Variants in LINGO2 observed in about 807,000 individuals in gnomAD.
LINGO2 encodes leucine rich repeat and Ig domain containing 2.
A neutral mutation model predicts 30.6 loss-of-function variants in LINGO2; 14 were observed. That is an observed-to-expected ratio of 0.46 (90% CI 0.30 to 0.72). The LOEUF (loss-of-function observed/expected upper bound fraction) is 0.72, where lower values mean the gene tolerates loss of function less well. LINGO2 is among the 30% of genes least tolerant of loss of function. The pLI is 0.07. For synonymous variants in LINGO2, 317 were observed against 288.5 expected (o/e 1.10, Z -1.00); for missense variants, 729 against 751.7 (o/e 0.97, Z 0.35).
chr9:28,511,937 A>G (rs1187178219), intron 1 of LINGO2, among the ~76,000 whole-genome samples: 1 of 152,020 alleles, frequency 6.6e-6, no homozygotes, highest in East Asian at 1.9e-4. Flanking sequence ...TATCATGAAA[A>G]ACCGTCTGTG....
At chr9:29,147,756 G>A in the LINGO2 span, among the ~76,000 whole-genome samples, 1 of 152,098 alleles carries the variant, frequency 6.6e-6, no homozygotes, top group East Asian at 1.9e-4. Flanking sequence ...ATTTCCTATA[G>A]CTATATTGTT....
the LINGO2 span, among the ~76,000 whole-genome samples, chr9:28,886,090 C>T: frequency 6.6e-6 from 1 of 151,922 alleles, no homozygotes; most frequent in East Asian, 1.9e-4. Context: ...ATAGAATAAC[C>T]TAGAATTGCT....
the LINGO2 span, among the ~76,000 whole-genome samples, chr9:29,095,181 A>G: frequency 3.6e-5 from 5 of 138,494 alleles, 2 homozygotes; most frequent in Non-Finnish European, 7.8e-5. Context: ...TCCAAAACCT[A>G]TTCTATACTT....
intron 2 of LINGO2, among the ~76,000 whole-genome samples, chr9:28,424,325 G>C (rs889627030): frequency 1.3e-5 from 2 of 152,058 alleles, no homozygotes; most frequent in South Asian, 4.1e-4. Flanking sequence ...TCTACTCTTG[G>C]TTTGCTGCCA....
At chr9:28,142,924 C>T (rs1272060327) in intron 4 of LINGO2, among the ~76,000 whole-genome samples, 1 of 152,132 alleles carries the variant, frequency 6.6e-6, no homozygotes, top group Non-Finnish European at 1.5e-5. Flanking sequence ...GCAGTCAATT[C>T]TCATTATAAA....
At chr9:29,033,587 T>C in the LINGO2 span, among the ~76,000 whole-genome samples, 1 of 151,856 alleles carries the variant, frequency 6.6e-6, no homozygotes, top group Non-Finnish European at 1.5e-5. Context: ...GTTATCTTGC[T>C]CTGTAATTTG....
At chr9:28,718,909 G>C in the LINGO2 span, among the ~76,000 whole-genome samples, 2 of 151,858 alleles carry the variant, frequency 1.3e-5, no homozygotes, top group Admixed American at 6.6e-5. Context: ...CCTTCTTCTA[G>C]GTCTGTAACA....
chr9:28,081,905 T>C (rs536005186), intron 4 of LINGO2, among the ~76,000 whole-genome samples: 1 of 152,296 alleles, frequency 6.6e-6, no homozygotes, highest in South Asian at 2.1e-4. Flanking sequence ...TATACCATGA[T>C]ACAGAATTAA....
At chr9:27,968,754 CAATT>C (rs923489505) in intron 5 of LINGO2, among the ~76,000 whole-genome samples, 1 of 151,780 alleles carries the variant, frequency 6.6e-6, no homozygotes, top group African/African-American at 2.4e-5. Context: ...TATCTTTAGT[CAATT>C]AATTAGCCAC....
At chr9:28,306,459 GC>G (rs1454151668) in intron 3 of LINGO2, among the ~76,000 whole-genome samples, 2 of 152,002 alleles carry the variant, frequency 1.3e-5, no homozygotes, top group African/African-American at 4.8e-5. Flanking sequence ...AGCACTAAAT[GC>G]CCACAAGAGA....
chr9:27,973,761 G>GA (rs1409412427), intron 5 of LINGO2, among the ~76,000 whole-genome samples: 2 of 152,122 alleles, frequency 1.3e-5, no homozygotes, highest in Non-Finnish European at 1.5e-5. Context: ...GCCATTGCGA[G>GA]AAAAAAATGT....
At chr9:28,729,421 G>A in the LINGO2 span, among the ~76,000 whole-genome samples, 7 of 151,560 alleles carry the variant, frequency 4.6e-5, no homozygotes, top group Non-Finnish European at 8.8e-5. Context: ...AGAAACAGAG[G>A]AAAAAAATCT....
chr9:28,308,214 T>G (rs1203998604), intron 3 of LINGO2, among the ~76,000 whole-genome samples: 1 of 128,714 alleles, frequency 7.8e-6, no homozygotes, highest in Non-Finnish European at 1.8e-5. Flanking sequence ...AACAGCATGG[T>G]ACTGGTACCA....
At chr9:28,787,243 A>G in the LINGO2 span, among the ~76,000 whole-genome samples, 1 of 152,170 alleles carries the variant, frequency 6.6e-6, no homozygotes, top group Non-Finnish European at 1.5e-5. Context: ...CTTAACAATA[A>G]TACAGTATAT....
the LINGO2 span, among the ~76,000 whole-genome samples, chr9:28,940,692 G>A: frequency 1.3e-5 from 2 of 152,054 alleles, no homozygotes; most frequent in Non-Finnish European, 2.9e-5. Flanking sequence ...AATGGAGAAG[G>A]TAGCTTTGTG....
At chr9:28,550,756 G>A in intron 1 of LINGO2, among the ~76,000 whole-genome samples, 1 of 151,704 alleles carries the variant, frequency 6.6e-6, no homozygotes, top group East Asian at 1.9e-4. Flanking sequence ...ATGAACTAAA[G>A]CTACATGCAT....
At chr9:28,022,028 A>T (rs1399166217) in intron 4 of LINGO2, among the ~76,000 whole-genome samples, 1 of 152,060 alleles carries the variant, frequency 6.6e-6, no homozygotes, top group Non-Finnish European at 1.5e-5. Flanking sequence ...TATATTTGTT[A>T]CATTTGTTCT....
intron 4 of LINGO2, among the ~76,000 whole-genome samples, chr9:28,161,864 T>C (rs1179454461): frequency 2.6e-5 from 4 of 152,132 alleles, no homozygotes; most frequent in Non-Finnish European, 5.9e-5. Context: ...TTAATAATGC[T>C]AGTAAATAAT....
the LINGO2 span, among the ~76,000 whole-genome samples, chr9:29,107,716 G>A: frequency 6.6e-6 from 1 of 151,870 alleles, no homozygotes. Flanking sequence ...TTGTTCCTTT[G>A]GCAATCTTCA....
Sources: allele counts gnomAD v4.1 joint callset (sites outside exome capture counted in the v4.1 genomes callset), GRCh38; gene constraint gnomAD v4.1.1; transcripts MANE v1.5; gene names NCBI Gene and HGNC (gene_info 2026-07-23, HGNC 2026-07-21).